The following PPP2R2D variants were observed in gnomAD, a reference collection of about 807,000 sequenced individuals.
The protein encoded by PPP2R2D is serine/threonine-protein phosphatase 2A 55 kDa regulatory subunit B delta isoform.
PPP2R2D carries 9 observed loss-of-function variants against 31.1 expected under a neutral mutation model. The ratio of observed to expected loss-of-function variants is 0.29; its 90% CI spans 0.17 to 0.51. The LOEUF (loss-of-function observed/expected upper bound fraction) is 0.51, where lower values mean the gene tolerates loss of function less well. Ranked by LOEUF, PPP2R2D falls within the 20% of genes least tolerant of loss-of-function variation. The probability of loss-of-function intolerance (pLI) is 0.98; values close to 1 mark genes in which losing one functional copy is unlikely to be tolerated. For synonymous variants in PPP2R2D, 179 were observed against 172.6 expected (o/e 1.04, Z -0.29); for missense variants, 391 against 465.6 (o/e 0.84, Z 1.48).
chr10:131,911,356 T>C (rs1233628197), intron 2 of PPP2R2D, among the ~76,000 whole-genome samples: 1 of 152,214 alleles, frequency 6.6e-6, no homozygotes, highest in Non-Finnish European at 1.5e-5. Flanking sequence ...GAATTTTGTT[T>C]TTTGTTTTTC....
chr10:131,936,704 A>G (rs1459815363), intron 3 of PPP2R2D, among the ~76,000 whole-genome samples: 2 of 152,248 alleles, frequency 1.3e-5, no homozygotes, highest in Non-Finnish European at 2.9e-5. Flanking sequence ...ATTGGGTATT[A>G]TAGAGTGTTA....
chr10:131,954,373 A>G (rs771964674), intron 8 of PPP2R2D, among the ~76,000 whole-genome samples: 7 of 152,104 alleles, frequency 4.6e-5, no homozygotes, highest in Non-Finnish European at 1.0e-4. Flanking sequence ...AGATTCACAC[A>G]TTCTTATTAC....
intron 3 of PPP2R2D, among the ~76,000 whole-genome samples, chr10:131,939,475 A>G (rs1221291551): frequency 9.7e-5 from 5 of 51,396 alleles, no homozygotes; most frequent in African/African-American, 3.8e-4. Flanking sequence ...CTGCTCCAGA[A>G]AACACGGCAG....
chr10:131,946,444 C>T (rs2036543305), intron 7 of PPP2R2D, among the ~76,000 whole-genome samples: 1 of 152,268 alleles, frequency 6.6e-6, no homozygotes, highest in Admixed American at 6.5e-5. Context: ...CAGCGGCGCC[C>T]CCAGTGCCTC....
chr10:131,913,115 C>G (rs1468814206), intron 2 of PPP2R2D, among the ~76,000 whole-genome samples: 4 of 151,760 alleles, frequency 2.6e-5, no homozygotes, highest in African/African-American at 9.7e-5. Flanking sequence ...CTCCGCTTCC[C>G]AGGTTCAAAC....
rs74335850 is a variant in PPP2R2D, at chr10:131,947,866, G to A, written c.1082+75G>A. ...AGAGTGCAAGGTCAGTGAGGGAGGC[G>A]AGCTGTCCTCCAGCGTCAGAGGAGG... On this transcript the variant is annotated intron_variant, in intron 8 of 8. Coordinates refer to ENST00000455566, the MANE Select transcript of PPP2R2D (RefSeq NM_018461.5). This position sits in a 1 kb window ranked among gnomAD's most constrained non-coding sequence, Gnocchi z 4.3. 1.6e-4 allele frequency: 255 copies of A among 1,561,420 alleles called. No homozygotes were observed. The East Asian group carries it at 5.0e-3, about 31-fold the overall frequency.
At chr10:131,918,704 G>GGC (rs1589931196) in intron 2 of PPP2R2D, among the ~76,000 whole-genome samples, 4 of 137,864 alleles carry the variant, frequency 2.9e-5, no homozygotes, top group African/African-American at 5.5e-5. Flanking sequence ...CGGGTGGAAT[G>GGC]ACAGTGTTTG....
the PPP2R2D span, chr10:131,968,652 T>C: frequency 7.9e-7 from 1 of 1,259,064 alleles, no homozygotes; most frequent in Non-Finnish European, 1.2e-6. Context: ...TAGCTCACTG[T>C]GGTTAGAGCT....
chr10:131,917,500 C>G (rs1488992814), intron 2 of PPP2R2D, among the ~76,000 whole-genome samples: 1 of 117,310 alleles, frequency 8.5e-6, no homozygotes, highest in Non-Finnish European at 1.7e-5. Flanking sequence ...GGACCTCACA[C>G]GGATGGAATG....
chr10:131,918,976 C>T (rs1554893748), intron 2 of PPP2R2D, among the ~76,000 whole-genome samples: 1 of 130,880 alleles, frequency 7.6e-6, no homozygotes, highest in Admixed American at 7.7e-5. Flanking sequence ...GGTGGAATGA[C>T]ACAGTGTTTG....
chr10:131,955,281 G>T (rs2036772598), intron 8 of PPP2R2D, among the ~76,000 whole-genome samples: 1 of 152,190 alleles, frequency 6.6e-6, no homozygotes, highest in African/African-American at 2.4e-5. Context: ...AACATTGACA[G>T]ATATGACTAG....
intron 2 of PPP2R2D, among the ~76,000 whole-genome samples, chr10:131,910,423 T>C: frequency 6.6e-6 from 1 of 152,342 alleles, no homozygotes; most frequent in East Asian, 1.9e-4. Context: ...GAGAAAAGTT[T>C]TCCAAAATTC....
intron 2 of PPP2R2D, among the ~76,000 whole-genome samples, chr10:131,914,474 A>G (rs998773386): frequency 3.9e-5 from 6 of 152,192 alleles, no homozygotes; most frequent in Middle Eastern, 3.2e-3. Context: ...TTCTCTCTCA[A>G]ACTTAACACA....
chr10:131,930,679 G>A (rs1482616504), intron 2 of PPP2R2D, among the ~76,000 whole-genome samples: 2 of 152,152 alleles, frequency 1.3e-5, no homozygotes, highest in Admixed American at 6.5e-5. Context: ...CTGTTCATTT[G>A]CTCTGGAAAT....
chr10:131,953,384 G>GTT (rs1185206284), intron 8 of PPP2R2D, among the ~76,000 whole-genome samples: 34 of 73,000 alleles, frequency 4.7e-4, no homozygotes, highest in Non-Finnish European at 7.0e-4. Context: ...GTGACTTGCA[G>GTT]GTGTGTGGGG....
intron 2 of PPP2R2D, among the ~76,000 whole-genome samples, chr10:131,921,432 T>A (rs1388578282): frequency 6.6e-6 from 1 of 152,110 alleles, no homozygotes; most frequent in East Asian, 1.9e-4. Context: ...TCAAAAGGCT[T>A]CCCTGAACAA....
intron 2 of PPP2R2D, among the ~76,000 whole-genome samples, chr10:131,908,898 A>G (rs2035640633): frequency 6.6e-6 from 1 of 152,236 alleles, no homozygotes. Context: ...AAAGTTCACG[A>G]CAGCATACCA....
chr10:131,904,505 GTC>G (rs1443520712), intron 2 of PPP2R2D, among the ~76,000 whole-genome samples: 2 of 151,698 alleles, frequency 1.3e-5, no homozygotes, highest in Non-Finnish European at 2.9e-5. Context: ...GCAAGACTTT[GTC>G]TCAAAAAAAA....
intron 2 of PPP2R2D, among the ~76,000 whole-genome samples, chr10:131,909,127 T>A (rs2035643511): frequency 6.6e-6 from 1 of 152,150 alleles, no homozygotes; most frequent in South Asian, 2.1e-4. Flanking sequence ...AGGAGAATGT[T>A]CCAGGTGGAG....
Sources: gnomAD v4.1 joint callset for allele counts (sites outside exome capture counted in the v4.1 genomes callset) on GRCh38, gnomAD v4.1.1 for gene constraint, Gnocchi (gnomAD v3.1) non-coding constraint, MANE v1.5 for transcripts, NCBI Gene and HGNC (gene_info 2026-07-23, HGNC 2026-07-21) for gene names.